The following MSI2 variants were observed in gnomAD, a reference collection of about 807,000 sequenced individuals.
MSI2 encodes RNA-binding protein Musashi homolog 2.
Under a neutral mutation model 45.6 loss-of-function variants are expected in MSI2, and 17 were observed. The ratio of observed to expected loss-of-function variants is 0.37; its 90% confidence interval spans 0.26 to 0.56. The LOEUF is 0.56. MSI2 is among the 20% of genes least tolerant of loss of function. MSI2 has a pLI of 0.77. For synonymous variants in MSI2, 156 were observed against 158.2 expected (o/e 0.99, Z 0.11); for missense variants, 293 against 444.2 (o/e 0.66, Z 3.06).
rs142565674 is a variant in MSI2, at chr17:57,415,096, C to T, written c.405+13625C>T. On this transcript the variant is annotated intron_variant, in intron 6 of 13. Coordinates refer to ENST00000284073, the MANE Select transcript of MSI2 (RefSeq NM_138962.4). ...TGAAAAGCTGGTGAGACGGTGAGAG[C>T]GTTGACTCATCTAGGCTCATAGATG... 1.6e-3 allele frequency among the ~76,000 whole-genome samples: 243 copies of T among 152,186 alleles called. 6 individuals carry two copies. Among genetic ancestry groups the T allele is most frequent in the Admixed American group, 2.7e-3 (41 of 15,288 alleles).
intron 6 of MSI2, among the ~76,000 whole-genome samples, chr17:57,492,002 GTTGCGA>G (rs1305482123): frequency 1.3e-5 from 2 of 152,202 alleles, no homozygotes; most frequent in African/African-American, 4.8e-5. Flanking sequence ...ACCTAAATCA[GTTGCGA>G]TTAAAGCTTT....
chr17:57,436,072 G>A (rs1440685466), intron 6 of MSI2, among the ~76,000 whole-genome samples: 1 of 152,204 alleles, frequency 6.6e-6, no homozygotes, highest in African/African-American at 2.4e-5. Flanking sequence ...CTATAACTGA[G>A]TGATGAAGCA....
At chr17:57,318,686 A>G (rs1255697789) in intron 5 of MSI2, among the ~76,000 whole-genome samples, 1 of 152,134 alleles carries the variant, frequency 6.6e-6, no homozygotes, top group Non-Finnish European at 1.5e-5. Context: ...AAGGTAGCTG[A>G]CATAGAAGCA....
At chr17:57,261,889 G>C (rs561141996) in intron 4 of MSI2, among the ~76,000 whole-genome samples, 113 of 152,294 alleles carry the variant, frequency 7.4e-4, no homozygotes, top group African/African-American at 2.6e-3. Context: ...AATTACATGA[G>C]ATCTGGTTTA....
At chr17:57,467,304 G>A (rs1309867506) in intron 6 of MSI2, among the ~76,000 whole-genome samples, 2 of 152,224 alleles carry the variant, frequency 1.3e-5, no homozygotes, top group Non-Finnish European at 2.9e-5. Context: ...GGGATATGGT[G>A]CATTCTTGAA....
At chr17:57,605,208 C>A (rs115789160) in intron 8 of MSI2, among the ~76,000 whole-genome samples, 1 of 152,122 alleles carries the variant, frequency 6.6e-6, no homozygotes, top group African/African-American at 2.4e-5. Context: ...CTGCCCCCCA[C>A]GCATCACACA....
At chr17:57,472,838 A>C (rs1013214600) in intron 6 of MSI2, among the ~76,000 whole-genome samples, 1 of 149,872 alleles carries the variant, frequency 6.7e-6, no homozygotes, top group African/African-American at 2.5e-5. Flanking sequence ...CCTTTTCCCT[A>C]CTCACAGGGC....
At chr17:57,357,843 T>A (rs1347634806) in intron 5 of MSI2, among the ~76,000 whole-genome samples, 1 of 152,224 alleles carries the variant, frequency 6.6e-6, no homozygotes, top group Non-Finnish European at 1.5e-5. Context: ...ATTAATCTTT[T>A]TTTTTGATGA....
chr17:57,585,636 A>G (rs1336556446), intron 7 of MSI2, among the ~76,000 whole-genome samples: 1 of 152,198 alleles, frequency 6.6e-6, no homozygotes, highest in Non-Finnish European at 1.5e-5. Flanking sequence ...AGGCTGGAGG[A>G]TGAACGTGAG....
chr17:57,546,601 A>T (rs1228851077), intron 7 of MSI2, among the ~76,000 whole-genome samples: 5 of 152,192 alleles, frequency 3.3e-5, no homozygotes, highest in African/African-American at 9.7e-5. Context: ...GCATGGTGAT[A>T]AAGGCCTCTC....
chr17:57,645,145 G>A lies in MSI2; in HGVS notation c.728-6954G>A, dbSNP rs141230025. Among the ~76,000 whole-genome samples the A allele has an allele frequency of 3.3e-3, 498 of 152,284 alleles. 5 individuals are homozygous for A. The highest frequency in any genetic ancestry group is 5.1e-3 in the Non-Finnish European group (347 of 68,020). On this transcript the variant is annotated intron_variant, in intron 10 of 13. Transcript: ENST00000284073. ...CCTACACTGTGCATCAGAATCATCC[G>A]GAAGGCCTTTAAAAGACACAGAGAC... is the stretch of plus-strand genomic sequence containing the variant.
At chr17:57,420,159 C>T (rs1212487323) in intron 6 of MSI2, among the ~76,000 whole-genome samples, 1 of 152,206 alleles carries the variant, frequency 6.6e-6, no homozygotes, top group Non-Finnish European at 1.5e-5. Flanking sequence ...GGTTGCACCT[C>T]TAGGGTCCAG....
chr17:57,616,830 A>C (rs1249578404), intron 9 of MSI2, among the ~76,000 whole-genome samples: 1 of 152,168 alleles, frequency 6.6e-6, no homozygotes, highest in Non-Finnish European at 1.5e-5. Context: ...GTAATGGTGT[A>C]GGTCGCAACA....
At chr17:57,283,406 G>A (rs1394324275) in intron 5 of MSI2, among the ~76,000 whole-genome samples, 1 of 151,942 alleles carries the variant, frequency 6.6e-6, no homozygotes, top group Non-Finnish European at 1.5e-5. Flanking sequence ...CCCATTCCCC[G>A]CCTCCAACTT....
chr17:57,426,117 G>A (rs145273516), intron 6 of MSI2, among the ~76,000 whole-genome samples: 5 of 152,254 alleles, frequency 3.3e-5, no homozygotes, highest in African/African-American at 9.6e-5. Context: ...GGATAGACCG[G>A]GGGTTGTGTT....
chr17:57,256,333 G>A (rs1031023798), upstream of MSI2, among the ~76,000 whole-genome samples: 2 of 151,614 alleles, frequency 1.3e-5, no homozygotes, highest in African/African-American at 2.4e-5. Flanking sequence ...GGCCGTGGGG[G>A]GCCGAGTGTG....
chr17:57,345,542 A>G (rs1353463214), intron 5 of MSI2, among the ~76,000 whole-genome samples: 1 of 152,202 alleles, frequency 6.6e-6, no homozygotes, highest in African/African-American at 2.4e-5. Context: ...AAAATTAACT[A>G]AAGTCCAGCT....
At chr17:57,572,532 G>A (rs2087905188) in intron 7 of MSI2, among the ~76,000 whole-genome samples, 2 of 152,330 alleles carry the variant, frequency 1.3e-5, no homozygotes, top group Middle Eastern at 3.4e-3. Flanking sequence ...AAGATATTCT[G>A]TGTCTGCTTG....
intron 6 of MSI2, among the ~76,000 whole-genome samples, chr17:57,475,442 G>T (rs2085519181): frequency 6.6e-6 from 1 of 152,126 alleles, no homozygotes; most frequent in African/African-American, 2.4e-5. Context: ...TCCTCATCAG[G>T]ACCTGATAGG....
Sources: allele counts gnomAD v4.1 joint callset (sites outside exome capture counted in the v4.1 genomes callset), GRCh38; gene constraint gnomAD v4.1.1; transcripts MANE v1.5; gene names NCBI Gene and HGNC (gene_info 2026-07-23, HGNC 2026-07-21).